The following TEX11 variants were observed in gnomAD, a reference collection of about 807,000 sequenced individuals.
TEX11 encodes the protein testis expressed 11, also known as testis-expressed protein 11.
TEX11 carries 7 observed loss-of-function variants against 84.4 expected under a neutral mutation model. The observed-to-expected ratio is 0.08, with a 90% CI of 0.05 to 0.16. The LOEUF (loss-of-function observed/expected upper bound fraction) is 0.16, where lower values mean the gene tolerates loss of function less well. Among genes scored for constraint, TEX11 ranks in the 10% least tolerant of loss-of-function variants. The pLI is 1.00. For synonymous variants in TEX11, 264 were observed against 222.8 expected, an observed-to-expected ratio of 1.18 and a Z score of -1.64; for missense variants, 551 against 660.5, an observed-to-expected ratio of 0.83 and a Z score of 1.82.
At chrX:70,601,596 C>T (rs1420511383) in intron 24 of TEX11, among the ~76,000 whole-genome samples, 1 of 79,243 alleles carries the variant, frequency 1.3e-5, no homozygotes, top group Admixed American at 1.7e-4. Flanking sequence ...GGGGATTTGG[C>T]AGGGTCATAG....
intron 7 of TEX11, 93 bp from the exon 8 acceptor site, chrX:70,833,686 G>T: frequency 1.5e-6 from 1 of 677,058 alleles, no homozygotes; most frequent in Non-Finnish European, 2.3e-6. Context: ...GTGTTTAAAA[G>T]TCTTATTTTG....
intron 23 of TEX11, among the ~76,000 whole-genome samples, chrX:70,605,727 T>C (rs763470910): frequency 8.9e-6 from 1 of 112,328 alleles, no homozygotes; most frequent in South Asian, 3.7e-4. Flanking sequence ...TTCCTAGAGA[T>C]AAAAAGCTTC....
intron 16 of TEX11, among the ~76,000 whole-genome samples, chrX:70,652,087 T>C (rs1034383949): frequency 9.0e-6 from 1 of 110,853 alleles, no homozygotes; most frequent in Non-Finnish European, 1.9e-5. Flanking sequence ...AAACTGCAAA[T>C]AAAGTTACCT....
intron 25 of TEX11, among the ~76,000 whole-genome samples, chrX:70,561,388 CTT>C (rs34112390): frequency 2.0e-3 from 155 of 78,925 alleles, no homozygotes; most frequent in African/African-American, 6.4e-3. Flanking sequence ...TATCAATTTA[CTT>C]TTTTTTTTTT....
intron 2 of TEX11, among the ~76,000 whole-genome samples, chrX:70,904,090 G>T (rs1455389301): frequency 9.6e-6 from 1 of 104,418 alleles, no homozygotes; most frequent in Admixed American, 1.1e-4. Flanking sequence ...AAAGTGCTGC[G>T]ATTACAGGCG....
Position 70,592,793 on chromosome X carries a change from C to T in TEX11, c.2068-970G>A, listed in dbSNP as rs370120979. ...CAGTAGGAGAGGCAGATCTATAGCA[C>T]TCCCTAAAGGAAATGACTTTAATTG... is the stretch of plus-strand genomic sequence containing the variant. On this transcript the variant is annotated intron_variant, in intron 24 of 29. Coordinates refer to ENST00000374333, the MANE Select transcript of TEX11 (RefSeq NM_031276.3). 2.7e-5 allele frequency among the ~76,000 whole-genome samples: 3 copies of T among 111,200 alleles called. No homozygotes were observed. In the East Asian group the frequency reaches 8.5e-4, roughly 31 times the overall value.
At chrX:70,838,591 A>G (rs1460215937) in intron 7 of TEX11, among the ~76,000 whole-genome samples, 5 of 112,033 alleles carry the variant, frequency 4.5e-5, no homozygotes, top group Non-Finnish European at 9.4e-5. Context: ...TGCATTTCCA[A>G]CTGAGGTACC....
At chrX:70,719,672 A>G (rs1407433897) in intron 13 of TEX11, among the ~76,000 whole-genome samples, 1 of 112,289 alleles carries the variant, frequency 8.9e-6, no homozygotes, top group Non-Finnish European at 1.9e-5. Flanking sequence ...ACAAATTTAC[A>G]AGAAAAAACA....
chrX:70,719,548 C>T (rs1167347053), intron 13 of TEX11, among the ~76,000 whole-genome samples: 2 of 111,937 alleles, frequency 1.8e-5, no homozygotes, highest in East Asian at 5.6e-4. Flanking sequence ...AGAGCTTCTG[C>T]ACAGCAAAAG....
chrX:70,625,655 T>C (rs1158095973), intron 18 of TEX11, among the ~76,000 whole-genome samples: 1 of 111,747 alleles, frequency 8.9e-6, no homozygotes, highest in Admixed American at 9.5e-5. Flanking sequence ...CCCTTCATTG[T>C]TGCTGTGGCC....
rs6625680 is a variant in TEX11 at position 70,788,439 on chromosome X, G to A, written c.692+18266C>T. Among the ~76,000 whole-genome samples, 8 of 110,866 alleles carry A rather than the reference G, an allele frequency of 7.2e-5. No individual in the cohort carries two copies. In the East Asian group the frequency reaches 2.0e-3, roughly 27 times the overall value. On this transcript the variant is annotated intron_variant, in intron 9 of 29. Transcript: ENST00000374333. Reference sequence around the variant, plus strand: ...AAGGATAGTCTCTTCAACAAATGATGTTGGGAAAGCTGGATATCCACACAC... The same window carrying A: ...AAGGATAGTCTCTTCAACAAATGATATTGGGAAAGCTGGATATCCACACAC...
intron 18 of TEX11, 49 bp from the exon 19 acceptor site, chrX:70,624,973 G>T: frequency 1.1e-6 from 1 of 873,438 alleles, no homozygotes; most frequent in Non-Finnish European, 1.7e-6. Flanking sequence ...AAGTGATACT[G>T]CAAAATATTA....
intron 20 of TEX11, among the ~76,000 whole-genome samples, chrX:70,619,344 G>T (rs2089355575): frequency 9.0e-6 from 1 of 111,470 alleles, no homozygotes; most frequent in Non-Finnish European, 1.9e-5. Context: ...ATTGCTTAAT[G>T]GTCAAGATAG....
Position 70,798,030 on chromosome X carries a change from G to GC in TEX11, c.692+8674_692+8675insG, listed in dbSNP as rs976208939. On this transcript the variant is annotated intron_variant, in intron 9 of 29. Transcript: ENST00000374333. ...CCAGAGCAATTAGGCAAGATGAGGG[G>GC]GGGGGAAAGGCATTCAAATTTGAAA... Among the ~76,000 whole-genome samples, 367 of 102,704 alleles carry GC rather than the reference G, an allele frequency of 3.6e-3. 1 individual carries two copies. Among genetic ancestry groups the GC allele is most frequent in the Non-Finnish European group, 6.2e-3 (312 of 50,100 alleles). 89.2% of individuals were successfully genotyped at this position (102,704 alleles called of 115,157 possible).
intron 15 of TEX11, among the ~76,000 whole-genome samples, chrX:70,671,685 G>A (rs918419791): frequency 9.2e-6 from 1 of 108,144 alleles, no homozygotes; most frequent in Non-Finnish European, 1.9e-5. Flanking sequence ...ATAAGACCTA[G>A]GTTTCTACAT....
chrX:70,871,184 A>AT (rs1214501438), intron 4 of TEX11, among the ~76,000 whole-genome samples: 1 of 112,756 alleles, frequency 8.9e-6, no homozygotes, highest in African/African-American at 3.2e-5. Context: ...AAGTGCTGGG[A>AT]TTATAGGCGT....
At chrX:70,833,334 CT>C (rs1353110022) in intron 8 of TEX11, among the ~76,000 whole-genome samples, 178 bp downstream of exon 8, 1 of 110,146 alleles carries the variant, frequency 9.1e-6, no homozygotes, top group East Asian at 2.8e-4. Flanking sequence ...TTCCATATAG[CT>C]TTTTCAAATG....
chrX:70,894,802 A>C (rs1310284430), intron 2 of TEX11, among the ~76,000 whole-genome samples: 7 of 111,769 alleles, frequency 6.3e-5, no homozygotes, highest in Non-Finnish European at 1.3e-4. Flanking sequence ...ATCTCAATAG[A>C]TGCAGAAAAA....
At chrX:70,581,058 G>T (rs1157786331) in intron 25 of TEX11, among the ~76,000 whole-genome samples, 2 of 110,773 alleles carry the variant, frequency 1.8e-5, no homozygotes, top group East Asian at 5.6e-4. Context: ...CTGGAGTGCG[G>T]TGGCACAATC....
Sources: gnomAD v4.1 joint callset for allele counts (sites outside exome capture counted in the v4.1 genomes callset) on GRCh38, gnomAD v4.1.1 for gene constraint, MANE v1.5 for transcripts, NCBI Gene and HGNC (gene_info 2026-07-23, HGNC 2026-07-21) for gene names.